RBM39: variants seen among roughly 807,000 people sequenced by gnomAD.
RBM39 encodes RNA binding motif protein 39.
In RBM39, 12 loss-of-function variants were observed where a neutral mutation model predicts 79.6. The observed-to-expected ratio is 0.15, with a 90% CI of 0.10 to 0.24. RBM39 has a LOEUF of 0.24. RBM39 is among the 10% of genes least tolerant of loss of function. The probability of loss-of-function intolerance (pLI) is 1.00; values close to 1 mark genes in which losing one functional copy is unlikely to be tolerated. For missense variants in RBM39, 243 were observed against 653.4 expected (o/e 0.37, Z 6.85); for synonymous variants, 185 against 208.4 (o/e 0.89, Z 0.97).
chr20:35,705,067 G>A (rs906274156), intron 15 of RBM39, 158 bp downstream of exon 15: 21 of 619,618 alleles, frequency 3.4e-5, no homozygotes, highest in Admixed American at 6.9e-5. Flanking sequence ...CTTTTATTTT[G>A]GAGGGTTTAT....
At chr20:35,732,848 T>C (rs771700996) in intron 3 of RBM39, 1 of 152,226 alleles carries the variant, frequency 6.6e-6, no homozygotes, top group African/African-American at 2.4e-5. Context: ...ATTCAAGTAC[T>C]AGTACTGGTT....
Position 35,716,823 on chromosome 20 carries a change from AATTACT to A in RBM39, c.826-24_826-19del. ...CTTTCAATCTATAATTGAAAAGCAT[AATTACT>A]ATAACTTAAAAGCAGAGTACAAAAC... is the stretch of plus-strand genomic sequence containing the variant. On this transcript the variant is annotated intron_variant, in intron 9 of 16. Coordinates refer to ENST00000253363, the MANE Select transcript of RBM39 (RefSeq NM_184234.3). The A allele has an allele frequency of 6.4e-7, 1 of 1,555,744 alleles. No homozygotes were observed. The highest frequency in any genetic ancestry group is 8.8e-7 in the Non-Finnish European group (1 of 1,136,726).
At chr20:35,708,222 TG>T (rs2035984946) in intron 13 of RBM39, among the ~76,000 whole-genome samples, 1 of 151,958 alleles carries the variant, frequency 6.6e-6, no homozygotes. Context: ...CAAATTCTGC[TG>T]GAAAAAAGTT....
At chr20:35,726,217 C>T (rs1162540819) in intron 6 of RBM39, among the ~76,000 whole-genome samples, 1 of 151,970 alleles carries the variant, frequency 6.6e-6, no homozygotes, top group Non-Finnish European at 1.5e-5. Flanking sequence ...CTGCAACCTC[C>T]GCCTCCAGGG....
At chr20:35,708,579 A>C (rs2036033844) in intron 13 of RBM39, among the ~76,000 whole-genome samples, 1 of 149,592 alleles carries the variant, frequency 6.7e-6, no homozygotes, top group Non-Finnish European at 1.5e-5. Flanking sequence ...TCTTTCTCAT[A>C]ATCATTTCCC....
chr20:35,737,271 TC>T (rs2040027942), intron 3 of RBM39, among the ~76,000 whole-genome samples: 1 of 150,572 alleles, frequency 6.6e-6, no homozygotes, highest in African/African-American at 2.4e-5. Flanking sequence ...GCACCTGTAA[TC>T]CCAGCTGCTC....
In RBM39 at chr20:35,702,513, GAC is replaced by G. The variant is rs1347808730; in HGVS notation, c.*1966_*1967del. The G allele has an allele frequency of 6.6e-6, 1 of 152,194 alleles. No homozygotes were observed. Among genetic ancestry groups the G allele is most frequent in the Non-Finnish European group, 1.5e-5 (1 of 68,030 alleles). 9.4% of individuals were successfully genotyped at this position (152,194 alleles called of 1,614,324 possible). On this transcript the variant is annotated 3_prime_UTR_variant, in exon 17 of 17. Transcript: ENST00000253363. ...CTGGTCCAGTTCCCTAGAAAGCAAT[GAC>G]ACAACAAATTTGTTAGGAAGACTTG... is the stretch of plus-strand genomic sequence containing the variant.
rs771607034 is a variant in RBM39, at chr20:35,721,885, A to G, written c.688-8T>C. 6.2e-7 allele frequency: 1 copy of G among 1,612,360 alleles called. No individual in the cohort carries two copies. The highest frequency in any genetic ancestry group is 1.7e-5 in the Admixed American group (1 of 59,986). On this transcript the variant is annotated splice_region_variant and splice_polypyrimidine_tract_variant and intron_variant, in intron 8 of 16. Transcript: ENST00000253363. ...AGCTCTGTTTTTTTCTGCCTAGAAG[A>G]CAAAATACACGTCACACAGAGATAA...
intron 6 of RBM39, among the ~76,000 whole-genome samples, chr20:35,726,741 C>G (rs994522204): frequency 6.6e-6 from 1 of 152,144 alleles, no homozygotes; most frequent in Non-Finnish European, 1.5e-5. Context: ...AAGATGTAAG[C>G]CTAAACACGA....
At chr20:35,720,629 A>G (rs1016654228) in intron 9 of RBM39, among the ~76,000 whole-genome samples, 23 of 151,332 alleles carry the variant, frequency 1.5e-4, no homozygotes, top group African/African-American at 5.6e-4. Context: ...AAATTAGTCG[A>G]GCATGATGGC....
intron 3 of RBM39, 157 bp from the exon 4 acceptor site, chr20:35,732,292 A>T: frequency 1.4e-6 from 1 of 692,206 alleles, no homozygotes; most frequent in Non-Finnish European, 2.4e-6. Context: ...AAAAAAAAAA[A>T]AAATCCTGTA....
At chr20:35,708,047 A>G (rs946606435) in intron 13 of RBM39, 3 of 325,312 alleles carry the variant, frequency 9.2e-6, no homozygotes, top group Non-Finnish European at 1.9e-5. Context: ...ACGATCACTT[A>G]AAGTATCAGA....
At chr20:35,714,069 T>A in intron 11 of RBM39, 116 bp downstream of exon 11, 1 of 980,362 alleles carries the variant, frequency 1.0e-6, no homozygotes, top group Non-Finnish European at 1.5e-6. Context: ...TGACCAAGGA[T>A]AACGCCAACT....
intron 3 of RBM39, chr20:35,736,461 T>G: frequency 2.7e-6 from 1 of 364,144 alleles, no homozygotes; most frequent in South Asian, 2.2e-5. Context: ...TAACAAGCCC[T>G]GAATAACATT....
At chr20:35,737,699 A>G in intron 3 of RBM39, among the ~76,000 whole-genome samples, 1 of 150,830 alleles carries the variant, frequency 6.6e-6, no homozygotes, top group Non-Finnish European at 1.5e-5. Context: ...ATTACAAAAA[A>G]TTAGCCAGGC....
chr20:35,721,284 TA>T (rs1039444303), intron 9 of RBM39, among the ~76,000 whole-genome samples: 3 of 152,166 alleles, frequency 2.0e-5, no homozygotes, highest in South Asian at 4.1e-4. Context: ...AACAATCTTT[TA>T]AAAAAAATCC....
At chr20:35,734,359 A>G in intron 3 of RBM39, 1 of 581,152 alleles carries the variant, frequency 1.7e-6, no homozygotes, top group South Asian at 1.8e-5. Flanking sequence ...GAACTCATCA[A>G]AGCCATGCCC....
intron 12 of RBM39, chr20:35,710,218 G>A (rs1325533189): frequency 6.6e-6 from 1 of 152,066 alleles, no homozygotes; most frequent in Non-Finnish European, 1.5e-5. Context: ...ACATATATGG[G>A]TTTCTTGCAA....
rs1483264369 is a variant in RBM39 at position 35,725,079 on chromosome 20, G to A, written c.493C>T (p.Arg165Ter). 2 of 1,611,668 alleles carry A rather than the reference G, an allele frequency of 1.2e-6. No individual in the cohort carries two copies. Among genetic ancestry groups the A allele is most frequent in the Non-Finnish European group, 1.7e-6 (2 of 1,179,734 alleles). The change falls in exon 7 of 17, where the codon CGA becomes TGA. Residue 165 changes from arginine (R) to a stop codon, truncating the protein, a stop_gained. Transcript: ENST00000253363. LOFTEE classifies it high-confidence loss of function. ...AAAAACTCTTCCAAATCCCTTGGTC[G>A]AATTCTTGCCGCCAGCTGCATACAG... Reference protein sequence around the residue: ...VFCMQLAARIRPRDLEEFFST... With the variant: ...VFCMQLAARI
Sources: allele counts gnomAD v4.1 joint callset (sites outside exome capture counted in the v4.1 genomes callset), GRCh38; gene constraint gnomAD v4.1.1; transcripts MANE v1.5; gene names NCBI Gene and HGNC (gene_info 2026-07-23, HGNC 2026-07-21).